Variants in STAC observed in about 807,000 individuals in gnomAD.
The protein encoded by STAC is SH3 and cysteine-rich domain-containing protein.
Under a neutral mutation model 48.8 loss-of-function variants are expected in STAC, and 43 were observed. The ratio of observed to expected loss-of-function variants is 0.88; its 90% CI spans 0.69 to 1.14. The LOEUF is 1.14. STAC is among the 50% of genes most tolerant of loss of function. The pLI, the probability that STAC is intolerant of heterozygous loss-of-function variation, is 0.00. For synonymous variants in STAC, 193 were observed against 179.5 expected, an observed-to-expected ratio of 1.07 and a Z score of -0.60; for missense variants, 497 against 504.0, an observed-to-expected ratio of 0.99 and a Z score of 0.13.
intron 5 of STAC, among the ~76,000 whole-genome samples, chr3:36,490,589 CAG>C (rs1366142018): frequency 2.0e-5 from 3 of 152,092 alleles, no homozygotes; most frequent in Non-Finnish European, 4.4e-5. Context: ...GAGGCAATTG[CAG>C]AGAGACGGCT....
intron 8 of STAC, among the ~76,000 whole-genome samples, chr3:36,512,615 A>C (rs1044463315): frequency 6.6e-6 from 1 of 152,158 alleles, no homozygotes; most frequent in Non-Finnish European, 1.5e-5. Context: ...GGTGGTGGTC[A>C]TCACTCTGCG....
chr3:36,512,495 C>T (rs1361780822), intron 8 of STAC, among the ~76,000 whole-genome samples: 1 of 151,898 alleles, frequency 6.6e-6, no homozygotes, highest in Non-Finnish European at 1.5e-5. Context: ...AGAGATCCTA[C>T]AGCTTTATAT....
intron 1 of STAC, among the ~76,000 whole-genome samples, chr3:36,394,265 A>G (rs965820398): frequency 6.6e-6 from 1 of 152,196 alleles, no homozygotes; most frequent in African/African-American, 2.4e-5. Flanking sequence ...AGTACTTGGT[A>G]AGCACATGTG....
At position 36,424,117 on chromosome 3, in the gene STAC, T is replaced by C. The variant is rs554386326; in HGVS notation, c.112-19247T>C. Among the ~76,000 whole-genome samples, 51 of 152,268 alleles carry C rather than the reference T, an allele frequency of 3.3e-4. 1 individual carries two copies. The highest frequency in any genetic ancestry group is 1.2e-3 in the African/African-American group (51 of 41,564). ...CAGGCAGCATGTAGCTGATAAGTATTTGTGGAAATGAAAAGATCCCCCCAC... is the reference window on the plus strand; with the variant it reads ...CAGGCAGCATGTAGCTGATAAGTATCTGTGGAAATGAAAAGATCCCCCCAC... On this transcript the variant is annotated intron_variant, in intron 1 of 10. Transcript: ENST00000273183.
At chr3:36,516,991 T>C (rs1262331502) in intron 8 of STAC, among the ~76,000 whole-genome samples, 2 of 152,162 alleles carry the variant, frequency 1.3e-5, no homozygotes, top group African/African-American at 2.4e-5. Flanking sequence ...GCAGGCCCAA[T>C]GAGACCTTGT....
At chr3:36,479,072 A>G (rs1264605321) in intron 2 of STAC, among the ~76,000 whole-genome samples, 2 of 152,064 alleles carry the variant, frequency 1.3e-5, no homozygotes, top group African/African-American at 2.4e-5. Context: ...TCTGTTATGT[A>G]CTGGATCTGA....
intron 6 of STAC, among the ~76,000 whole-genome samples, chr3:36,499,150 T>G (rs1306006364): frequency 6.6e-6 from 1 of 152,094 alleles, no homozygotes; most frequent in Non-Finnish European, 1.5e-5. Context: ...TCAAAACATT[T>G]TAAAAAGATG....
intron 5 of STAC, among the ~76,000 whole-genome samples, chr3:36,487,476 G>A (rs1451411694): frequency 6.6e-6 from 1 of 152,148 alleles, no homozygotes; most frequent in Non-Finnish European, 1.5e-5. Flanking sequence ...ATTGACATCA[G>A]ATAGTTCTTT....
intron 1 of STAC, among the ~76,000 whole-genome samples, chr3:36,410,218 C>CTATATA (rs1196847574): frequency 6.6e-6 from 1 of 152,078 alleles, no homozygotes; most frequent in Non-Finnish European, 1.5e-5. Context: ...GTACATATTA[C>CTATATA]TATATATATA....
At chr3:36,485,999 C>A in intron 4 of STAC, 135 bp from the exon 5 acceptor site, 1 of 647,342 alleles carries the variant, frequency 1.5e-6, no homozygotes, top group Non-Finnish European at 2.7e-6. Context: ...GCCATGAAAG[C>A]CCTGTCTACC....
chr3:36,381,955 G>T (rs1285868637), intron 1 of STAC, among the ~76,000 whole-genome samples: 2 of 152,162 alleles, frequency 1.3e-5, no homozygotes, highest in Admixed American at 1.3e-4. Context: ...TGGAAATGAG[G>T]GAAAAAGCCC....
chr3:36,449,700 T>C (rs1327145740), intron 2 of STAC, among the ~76,000 whole-genome samples: 1 of 152,208 alleles, frequency 6.6e-6, no homozygotes, highest in Non-Finnish European at 1.5e-5. Flanking sequence ...CCAGCAAAGA[T>C]TGAGCAAAAA....
intron 1 of STAC, among the ~76,000 whole-genome samples, chr3:36,409,945 T>C (rs1196937243): frequency 6.6e-6 from 1 of 152,124 alleles, no homozygotes; most frequent in Non-Finnish European, 1.5e-5. Context: ...AGAATGGAGT[T>C]TTTATTTTCT....
chr3:36,505,203 A>G (rs1015110954), intron 7 of STAC, among the ~76,000 whole-genome samples: 1 of 152,184 alleles, frequency 6.6e-6, no homozygotes, highest in Non-Finnish European at 1.5e-5. Context: ...GCAAGGTTTC[A>G]TTGCCAATAG....
At chr3:36,479,647 G>A (rs1281084220) in intron 2 of STAC, among the ~76,000 whole-genome samples, 1 of 152,138 alleles carries the variant, frequency 6.6e-6, no homozygotes, top group Non-Finnish European at 1.5e-5. Flanking sequence ...CTGAGAGTAG[G>A]TAGTACTAGT....
chr3:36,496,073 A>C (rs1162594353), intron 6 of STAC, among the ~76,000 whole-genome samples: 1 of 152,228 alleles, frequency 6.6e-6, no homozygotes, highest in African/African-American at 2.4e-5. Flanking sequence ...AAAGACATCA[A>C]GTTGACAATT....
intron 1 of STAC, among the ~76,000 whole-genome samples, chr3:36,413,455 T>C (rs1254905417): frequency 6.6e-6 from 1 of 152,228 alleles, no homozygotes; most frequent in African/African-American, 2.4e-5. Flanking sequence ...TTTTGATCTT[T>C]GTTGGTTTAA....
rs1222110082 is a variant in STAC, at chr3:36,443,975, A to G, written c.388+335A>G. On this transcript the variant is annotated intron_variant, in intron 2 of 10. Coordinates refer to ENST00000273183, the MANE Select transcript of STAC (RefSeq NM_003149.3). The surrounding 1 kb of genome is among the most constrained non-coding windows in gnomAD (Gnocchi z 4.2). Reference sequence around the variant, plus strand: ...AGCCTGTCACTGTATATGGGCAACAAGTGAGACCTGGAATGCTTGTTGCTT... The same window carrying G: ...AGCCTGTCACTGTATATGGGCAACAGGTGAGACCTGGAATGCTTGTTGCTT... Among the ~76,000 whole-genome samples, 1 of 152,144 alleles carries G rather than the reference A, an allele frequency of 6.6e-6. No individual in the cohort carries two copies. The highest frequency in any genetic ancestry group is 1.5e-5 in the Non-Finnish European group (1 of 68,026).
chr3:36,451,046 T>C lies in STAC; in HGVS notation c.388+7406T>C, dbSNP rs1696662645. Among the ~76,000 whole-genome samples the C allele has an allele frequency of 2.0e-5, 3 of 152,324 alleles. No individual in the cohort carries two copies. The South Asian group carries it at 6.2e-4, about 32-fold the overall frequency. On this transcript the variant is annotated intron_variant, in intron 2 of 10. Transcript: ENST00000273183. ...TTTTTATTCTCAAACAGAAGAGGAT[T>C]TGCATTTCTTGCCATGAGTGAAATA...
Sources: gnomAD v4.1 joint callset for allele counts (sites outside exome capture counted in the v4.1 genomes callset) on GRCh38, gnomAD v4.1.1 for gene constraint, Gnocchi (gnomAD v3.1) non-coding constraint, MANE v1.5 for transcripts, NCBI Gene and HGNC (gene_info 2026-07-23, HGNC 2026-07-21) for gene names.